The following UTRN variants were observed in gnomAD, a reference collection of about 807,000 sequenced individuals.
The protein encoded by UTRN is dystrophin-related protein 1.
A neutral mutation model predicts 463.9 loss-of-function variants in UTRN; 283 were observed. That is an observed-to-expected ratio of 0.61 (90% CI 0.55 to 0.67). UTRN has a LOEUF of 0.67. Among genes scored for constraint, UTRN ranks in the 30% least tolerant of loss-of-function variants. The pLI is 0.00. For missense variants in UTRN, 3,922 were observed against 4,084.3 expected (o/e 0.96, Z 1.08); for synonymous variants, 1,442 against 1,431.5 (o/e 1.01, Z -0.17).
intron 51 of UTRN, among the ~76,000 whole-genome samples, chr6:144,667,214 C>T (rs1156926652): frequency 1.3e-5 from 2 of 152,020 alleles, no homozygotes; most frequent in African/African-American, 2.4e-5. Context: ...ACCACCACAC[C>T]CAGCTAATTT....
At chr6:144,381,733 C>T (rs541733985) in intron 2 of UTRN, among the ~76,000 whole-genome samples, 1 of 152,324 alleles carries the variant, frequency 6.6e-6, no homozygotes, top group South Asian at 2.1e-4. Context: ...GTGACTTGCT[C>T]CTCCTTGCCT....
intron 43 of UTRN, 127 bp downstream of exon 43, chr6:144,533,387 C>T: frequency 1.4e-6 from 2 of 1,424,062 alleles, no homozygotes; most frequent in South Asian, 1.5e-5. Flanking sequence ...ACATTTAAGA[C>T]CTCCACTGCC....
rs368046583 is a variant in UTRN, at chr6:144,447,630, G to T, written c.1751G>T (p.Arg584Leu). ...TTGAAGGAAGACATGGAAATGAAGC[G>T]TCAAACATTGGATCAGCTGAGTGAG... ...AILKEDMEMK[R>L]QTLDQLSEIG... Residue 584 changes from arginine to leucine, a missense_variant, in exon 16 of 75, where the codon CGT (arginine) becomes CTT (leucine). Arg to Leu is a moderately radical substitution (Grantham distance 102). Coordinates refer to ENST00000367545, the MANE Select transcript of UTRN (RefSeq NM_007124.3). 1 of 1,613,504 alleles carries T rather than the reference G, an allele frequency of 6.2e-7. No homozygotes were observed. The highest frequency in any genetic ancestry group is 1.3e-5 in the African/African-American group (1 of 74,884).
chr6:144,327,798 G>A (rs1776065946), intron 2 of UTRN, among the ~76,000 whole-genome samples: 1 of 151,980 alleles, frequency 6.6e-6, no homozygotes, highest in African/African-American at 2.4e-5. Flanking sequence ...ACAAAAATTA[G>A]CTGGGCATGG....
chr6:144,690,904 G>A (rs1783333588), intron 52 of UTRN, among the ~76,000 whole-genome samples: 1 of 152,158 alleles, frequency 6.6e-6, no homozygotes, highest in African/African-American at 2.4e-5. Context: ...ATACACTGCA[G>A]CCTGCTGCTT....
chr6:144,537,599 A>C lies in UTRN; in HGVS notation c.6251A>C (p.Lys2084Thr). 1 of 1,593,154 alleles carries C rather than the reference A, an allele frequency of 6.3e-7. No individual in the cohort carries two copies. The highest frequency in any genetic ancestry group is 2.3e-5 in the East Asian group (1 of 42,990). The change falls in exon 44 of 75, where the codon AAG (lysine) becomes ACG (threonine). Residue 2084 changes from lysine to threonine, a missense_variant. Lys to Thr is a moderately conservative substitution (Grantham distance 78). Coordinates refer to ENST00000367545, the MANE Select transcript of UTRN (RefSeq NM_007124.3). ...TCTTTTAGGCTAAAAGGAGAAAGTA[A>C]GCAGGTGATGAAGTACAGGCATCAG... is the stretch of plus-strand genomic sequence containing the variant. ...DRQPRLKGES[K>T]QVMKYRHQLD...
intron 53 of UTRN, among the ~76,000 whole-genome samples, chr6:144,719,654 G>C (rs774692701): frequency 8.5e-5 from 13 of 152,160 alleles, no homozygotes; most frequent in Non-Finnish European, 1.6e-4. Flanking sequence ...AAATAGCTTG[G>C]CATGTTCTCG....
chr6:144,740,606 T>G (rs928299705), intron 54 of UTRN, among the ~76,000 whole-genome samples: 3 of 152,236 alleles, frequency 2.0e-5, no homozygotes, highest in Admixed American at 6.5e-5. Flanking sequence ...TTTCCGGTGT[T>G]CTTAACTACA....
At chr6:144,756,905 T>G (rs968946878) in intron 57 of UTRN, among the ~76,000 whole-genome samples, 1 of 152,094 alleles carries the variant, frequency 6.6e-6, no homozygotes, top group African/African-American at 2.4e-5. Flanking sequence ...ATCTATCAAA[T>G]GGAACTTTAA....
At position 144,531,206 on chromosome 6, in the gene UTRN, A is replaced by C; in HGVS notation, c.6057+4A>C. 6.2e-7 allele frequency: 1 copy of C among 1,613,586 alleles called. No individual in the cohort carries two copies. Among genetic ancestry groups the C allele is most frequent in the Non-Finnish European group, 8.5e-7 (1 of 1,179,712 alleles). On this transcript the variant is annotated splice_donor_region_variant and intron_variant, in intron 42 of 74. Transcript: ENST00000367545. ...GAAAGCCAGGATACATCAGCAGGTG[A>C]GTGCTTTCTGTTAGAGGAGGGGGAC...
intron 36 of UTRN, 141 bp from the exon 37 acceptor site, chr6:144,514,509 C>G (rs1795447669): frequency 1.2e-6 from 1 of 846,706 alleles, no homozygotes; most frequent in South Asian, 1.7e-5. Context: ...GTGAACAGCT[C>G]TCACCTGGTT....
intron 2 of UTRN, among the ~76,000 whole-genome samples, chr6:144,318,038 C>T (rs1044641988): frequency 1.5e-4 from 23 of 151,968 alleles, no homozygotes; most frequent in African/African-American, 4.1e-4. Flanking sequence ...GTTTCATTTT[C>T]GGCTTAGGTA....
chr6:144,549,992 G>A (rs908231514), intron 47 of UTRN, among the ~76,000 whole-genome samples: 10 of 152,152 alleles, frequency 6.6e-5, no homozygotes, highest in Non-Finnish European at 1.0e-4. Context: ...CTCTGCTTTA[G>A]TAGAAGACTA....
intron 63 of UTRN, among the ~76,000 whole-genome samples, chr6:144,796,829 T>C (rs940409937): frequency 7.9e-5 from 12 of 152,224 alleles, no homozygotes; most frequent in Admixed American, 7.9e-4. Context: ...ATGGCCCTTT[T>C]TCTTATTTTA....
chr6:144,321,562 C>T (rs949620822), intron 2 of UTRN, among the ~76,000 whole-genome samples: 4 of 150,796 alleles, frequency 2.7e-5, no homozygotes, highest in Middle Eastern at 3.2e-3. Flanking sequence ...CTCTCCCTCC[C>T]GGGTTCAAGC....
At chr6:144,377,301 T>G (rs111713288) in intron 2 of UTRN, among the ~76,000 whole-genome samples, 3,023 of 152,268 alleles carry the variant, frequency 0.02, 101 homozygotes, top group African/African-American at 0.067. Flanking sequence ...CCTCCCAAAG[T>G]GCTGGGATTA....
intron 33 of UTRN, among the ~76,000 whole-genome samples, chr6:144,496,342 A>C (rs1793642860): frequency 6.6e-6 from 1 of 152,138 alleles, no homozygotes; most frequent in African/African-American, 2.4e-5. Context: ...TTTCTGGGTG[A>C]TTTTGATCTC....
chr6:144,724,552 A>G (rs1018387182), intron 53 of UTRN, among the ~76,000 whole-genome samples: 1 of 152,048 alleles, frequency 6.6e-6, no homozygotes, highest in African/African-American at 2.4e-5. Context: ...TTCCAAAAAG[A>G]ACATCCATAC....
chr6:144,335,957 G>A (rs561792010), intron 2 of UTRN, among the ~76,000 whole-genome samples: 1 of 152,204 alleles, frequency 6.6e-6, no homozygotes, highest in South Asian at 2.1e-4. Flanking sequence ...TTCCCAAGTA[G>A]AGATAGGACA....
Sources: allele counts gnomAD v4.1 joint callset (sites outside exome capture counted in the v4.1 genomes callset), GRCh38; gene constraint gnomAD v4.1.1; transcripts MANE v1.5; gene names NCBI Gene and HGNC (gene_info 2026-07-23, HGNC 2026-07-21).